The following UBAC2 variants were observed in gnomAD, a reference collection of about 807,000 sequenced individuals.
UBAC2 encodes UBA domain containing 2.
UBAC2 carries 26 observed loss-of-function variants against 44.0 expected under a neutral mutation model. The observed-to-expected ratio is 0.59, with a 90% CI of 0.43 to 0.82. The LOEUF (loss-of-function observed/expected upper bound fraction) is 0.82, where lower values mean the gene tolerates loss of function less well. UBAC2 is among the 40% of genes least tolerant of loss of function. The pLI, the probability that UBAC2 is intolerant of heterozygous loss-of-function variation, is 0.00. For missense variants in UBAC2, 329 were observed against 419.4 expected, an observed-to-expected ratio of 0.78 and a Z score of 1.88; for synonymous variants, 155 against 154.3, an observed-to-expected ratio of 1.00 and a Z score of -0.04.
chr13:99,232,399 G>GAGATAGATAGATATATATATATAT (rs1367302629), intron 1 of UBAC2, among the ~76,000 whole-genome samples: 16 of 109,902 alleles, frequency 1.5e-4, no homozygotes, highest in South Asian at 2.7e-4. Context: ...TTAGTTGAGA[G>GAGATAGATAGATATATATATATAT]ATATAGATAT....
chr13:99,289,022 G>A lies in UBAC2; in HGVS notation c.390-25075G>A, dbSNP rs369537134. On this transcript the variant is annotated intron_variant, in intron 4 of 8. Coordinates refer to ENST00000403766, the MANE Select transcript of UBAC2 (RefSeq NM_001144072.2). ...CACATGAAATAATAGACCATAGACC[G>A]TACGATGGCTGGCAAAGAGCTTGCC... 1.4e-3 allele frequency among the ~76,000 whole-genome samples: 212 copies of A among 152,276 alleles called. 2 individuals carry two copies. Among genetic ancestry groups the A allele is most frequent in the African/African-American group, 5.0e-3 (207 of 41,550 alleles).
At chr13:99,286,737 T>TA (rs2044023608) in intron 4 of UBAC2, among the ~76,000 whole-genome samples, 1 of 152,184 alleles carries the variant, frequency 6.6e-6, no homozygotes, top group Non-Finnish European at 1.5e-5. Context: ...AGCTCCCACT[T>TA]ATACGTACAA....
chr13:99,319,264 T>A (rs2044537782), intron 6 of UBAC2, among the ~76,000 whole-genome samples: 1 of 152,210 alleles, frequency 6.6e-6, no homozygotes, highest in Admixed American at 6.5e-5. Flanking sequence ...TGACTTAAAT[T>A]TAAACCTCCA....
chr13:99,345,367 G>A (rs797010454), intron 7 of UBAC2, among the ~76,000 whole-genome samples: 6 of 151,136 alleles, frequency 4.0e-5, no homozygotes, highest in African/African-American at 1.5e-4. Flanking sequence ...GATGGACGGG[G>A]GAAAGGAGAA....
chr13:99,205,678 T>C (rs2042861988), intron 1 of UBAC2: 1 of 155,190 alleles, frequency 6.4e-6, no homozygotes, highest in Non-Finnish European at 1.4e-5. Flanking sequence ...GGTGCGCTGA[T>C]GAGAGAAGAT....
At chr13:99,202,016 C>A (rs941174248) in intron 1 of UBAC2, among the ~76,000 whole-genome samples, 1 of 143,632 alleles carries the variant, frequency 7.0e-6, no homozygotes, top group Non-Finnish European at 1.5e-5. Context: ...GAGCTTGCAG[C>A]GAGCCGAGAT....
intron 7 of UBAC2, among the ~76,000 whole-genome samples, chr13:99,360,908 C>T (rs1279731293): frequency 6.6e-6 from 1 of 152,144 alleles, no homozygotes; most frequent in African/African-American, 2.4e-5. Flanking sequence ...AGGATGAGAC[C>T]GCGTGCCTGG....
intron 8 of UBAC2, among the ~76,000 whole-genome samples, chr13:99,370,827 C>T (rs2045396070): frequency 1.3e-5 from 2 of 152,188 alleles, no homozygotes; most frequent in Non-Finnish European, 2.9e-5. Context: ...TATGGAGCCA[C>T]AGTTTTCCTC....
intron 1 of UBAC2, chr13:99,215,797 G>T: frequency 1.3e-6 from 1 of 787,622 alleles, no homozygotes; most frequent in East Asian, 2.5e-5. Flanking sequence ...CAGAGAAAGG[G>T]CTAATCAGAC....
intron 6 of UBAC2, among the ~76,000 whole-genome samples, chr13:99,321,178 G>T (rs2044563101): frequency 6.6e-6 from 1 of 152,160 alleles, no homozygotes; most frequent in South Asian, 2.1e-4. Context: ...AAAGATATTT[G>T]TATGAAACAT....
chr13:99,341,056 A>G (rs980084671), intron 7 of UBAC2, among the ~76,000 whole-genome samples: 3 of 152,224 alleles, frequency 2.0e-5, no homozygotes, highest in Admixed American at 2.0e-4. Context: ...CAACCTTGCT[A>G]TCAATAATCA....
intron 1 of UBAC2, among the ~76,000 whole-genome samples, chr13:99,203,657 C>T (rs1181044023): frequency 1.3e-5 from 2 of 152,196 alleles, no homozygotes; most frequent in Non-Finnish European, 2.9e-5. Flanking sequence ...CAGCATCAAA[C>T]AGGCTAACAA....
At chr13:99,217,118 ACGG>A (rs962337406) in intron 1 of UBAC2, among the ~76,000 whole-genome samples, 1 of 152,196 alleles carries the variant, frequency 6.6e-6, no homozygotes, top group African/African-American at 2.4e-5. Flanking sequence ...GGCGTGAGCC[ACGG>A]CGCCTGGCCT....
At chr13:99,213,616 T>C (rs2042958921) in intron 1 of UBAC2, among the ~76,000 whole-genome samples, 1 of 152,124 alleles carries the variant, frequency 6.6e-6, no homozygotes, top group Admixed American at 6.5e-5. Flanking sequence ...CGACTCAGCC[T>C]CCCAGAGTGC....
At chr13:99,381,110 C>T (rs139190098) in intron 8 of UBAC2, among the ~76,000 whole-genome samples, 121 of 152,384 alleles carry the variant, frequency 7.9e-4, no homozygotes, top group African/African-American at 2.8e-3. Flanking sequence ...TTCGTTCTTA[C>T]TCTAGGATGT....
intron 7 of UBAC2, among the ~76,000 whole-genome samples, chr13:99,362,522 AG>A (rs1336653879): frequency 2.6e-5 from 4 of 152,200 alleles, no homozygotes; most frequent in Non-Finnish European, 5.9e-5. Flanking sequence ...TCCCACACTC[AG>A]TATTGTTGGG....
chr13:99,245,956 A>T (rs1364538985), intron 4 of UBAC2, among the ~76,000 whole-genome samples: 3 of 152,246 alleles, frequency 2.0e-5, no homozygotes, highest in African/African-American at 7.2e-5. Flanking sequence ...TATCTGAGAC[A>T]CTATTTGGGA....
At chr13:99,202,348 G>A (rs9513579) in intron 1 of UBAC2, among the ~76,000 whole-genome samples, 15,394 of 152,202 alleles carry the variant, frequency 0.1, 851 homozygotes, top group Admixed American at 0.16. Context: ...TTTAGATAAA[G>A]AGCATTAGGA....
At chr13:99,229,779 TA>T (rs2043152360) in intron 1 of UBAC2, among the ~76,000 whole-genome samples, 1 of 152,204 alleles carries the variant, frequency 6.6e-6, no homozygotes, top group South Asian at 2.1e-4. Context: ...CTTTCTCTTA[TA>T]AATGTATAGT....
Sources: gnomAD v4.1 joint callset for allele counts (sites outside exome capture counted in the v4.1 genomes callset) on GRCh38, gnomAD v4.1.1 for gene constraint, MANE v1.5 for transcripts, NCBI Gene and HGNC (gene_info 2026-07-23, HGNC 2026-07-21) for gene names.